MARCHF1: variants seen among roughly 807,000 people sequenced by gnomAD.
The protein encoded by MARCHF1 is membrane associated ring-CH-type finger 1, also known as E3 ubiquitin-protein ligase MARCHF1.
A neutral mutation model predicts 54.2 loss-of-function variants in MARCHF1; 40 were observed. The ratio of observed to expected loss-of-function variants is 0.74; its 90% confidence interval spans 0.57 to 0.96. The LOEUF is 0.96. Among genes scored for constraint, MARCHF1 ranks in the 40% least tolerant of loss-of-function variants. MARCHF1 has a pLI of 0.00. For missense variants in MARCHF1, 586 were observed against 656.5 expected (o/e 0.89, Z 1.17); for synonymous variants, 236 against 236.3 (o/e 1.00, Z 0.01).
rs1304370060 is a variant in MARCHF1, at chr4:164,038,615, CT to C, written c.-247-49907del. ...TATATCCCATGGGTGGTCCATGGTC[CT>C]TTTTTTCTTCCAAGATCAATAGAGC... On this transcript the variant is annotated intron_variant, in intron 2 of 9. Transcript: ENST00000514618. Among the ~76,000 whole-genome samples the C allele has an allele frequency of 2.0e-5, 3 of 152,156 alleles. No individual in the cohort carries two copies. The East Asian group carries it at 5.8e-4, about 29-fold the overall frequency.
At chr4:163,717,547 T>G (rs1482353746) in intron 4 of MARCHF1, among the ~76,000 whole-genome samples, 3 of 152,146 alleles carry the variant, frequency 2.0e-5, no homozygotes, top group Non-Finnish European at 4.4e-5. Context: ...GTATTTCTAC[T>G]TCTAGATCCT....
chr4:164,248,743 A>T lies in MARCHF1; in HGVS notation c.-323+135127T>A, dbSNP rs1210259064. ...AAAATTAGGAAAACAATTGTTAAAA[A>T]AATATATATATTACTGGCAACATCT... is the stretch of plus-strand genomic sequence containing the variant. On this transcript the variant is annotated intron_variant, in intron 1 of 9. Coordinates refer to ENST00000514618, the MANE Select transcript of MARCHF1 (RefSeq NM_001394959.1). 3.9e-5 allele frequency among the ~76,000 whole-genome samples: 6 copies of T among 152,122 alleles called. 1 individual carries two copies. The Middle Eastern group carries it at 0.014, about 345-fold the overall frequency.
At chr4:163,819,659 C>T (rs1485905382) in intron 4 of MARCHF1, among the ~76,000 whole-genome samples, 1 of 152,100 alleles carries the variant, frequency 6.6e-6, no homozygotes, top group South Asian at 2.1e-4. Context: ...GATGATCTTA[C>T]CTCTTACTTT....
At chr4:163,748,995 C>A (rs1359590964) in intron 4 of MARCHF1, among the ~76,000 whole-genome samples, 1 of 152,126 alleles carries the variant, frequency 6.6e-6, no homozygotes, top group Non-Finnish European at 1.5e-5. Context: ...ATATGATTGC[C>A]TTTTCTAACA....
At chr4:164,229,199 C>T (rs1304003478) in intron 1 of MARCHF1, among the ~76,000 whole-genome samples, 1 of 152,186 alleles carries the variant, frequency 6.6e-6, no homozygotes, top group Non-Finnish European at 1.5e-5. Flanking sequence ...GATTACCCTC[C>T]TTTTGCATGT....
intron 3 of MARCHF1, among the ~76,000 whole-genome samples, chr4:163,957,022 T>C (rs1157295021): frequency 2.0e-5 from 3 of 152,054 alleles, no homozygotes; most frequent in Non-Finnish European, 4.4e-5. Flanking sequence ...AGAGACTCTA[T>C]GTGACTTTTA....
At chr4:164,244,101 G>A (rs935560909) in intron 1 of MARCHF1, among the ~76,000 whole-genome samples, 16 of 152,040 alleles carry the variant, frequency 1.1e-4, no homozygotes, top group African/African-American at 3.4e-4. Context: ...TCTGCACCAA[G>A]CGGACCTGAT....
intron 1 of MARCHF1, among the ~76,000 whole-genome samples, chr4:164,325,683 C>T (rs183984055): frequency 8.0e-4 from 122 of 151,740 alleles, no homozygotes; most frequent in African/African-American, 2.2e-3. Flanking sequence ...GAGCCAAGAT[C>T]GCCACTGTAC....
intron 4 of MARCHF1, among the ~76,000 whole-genome samples, chr4:163,811,659 A>G (rs1748392051): frequency 6.6e-6 from 1 of 152,224 alleles, no homozygotes; most frequent in Admixed American, 6.5e-5. Flanking sequence ...CAGATAAAAT[A>G]AAGCTTACAC....
At chr4:163,722,961 G>T (rs185342609) in intron 4 of MARCHF1, among the ~76,000 whole-genome samples, 335 of 152,160 alleles carry the variant, frequency 2.2e-3, no homozygotes, top group African/African-American at 7.3e-3. Context: ...ACACTGATGG[G>T]TCTTGACTCT....
chr4:163,878,674 A>G (rs1750347107), intron 3 of MARCHF1, among the ~76,000 whole-genome samples: 2 of 151,976 alleles, frequency 1.3e-5, no homozygotes, highest in Admixed American at 6.6e-5. Context: ...ACCTAGTTGA[A>G]GGACTCTTTC....
At chr4:163,602,426 G>C (rs973732680) in intron 7 of MARCHF1, among the ~76,000 whole-genome samples, 1 of 152,026 alleles carries the variant, frequency 6.6e-6, no homozygotes, top group Non-Finnish European at 1.5e-5. Flanking sequence ...TAAATAGAGA[G>C]CCATTTTACC....
intron 4 of MARCHF1, among the ~76,000 whole-genome samples, chr4:163,724,234 T>A (rs1561041255): frequency 6.6e-6 from 1 of 152,234 alleles, no homozygotes; most frequent in Non-Finnish European, 1.5e-5. Flanking sequence ...GTTTTCCTTC[T>A]AATGGTCACG....
chr4:163,632,819 A>G (rs941394711), intron 5 of MARCHF1, among the ~76,000 whole-genome samples: 1 of 152,250 alleles, frequency 6.6e-6, no homozygotes, highest in African/African-American at 2.4e-5. Context: ...AAAAGACAGC[A>G]GTAACCTCTG....
rs147210812 is a variant in MARCHF1, at chr4:164,231,093, G to A, written c.-322-119431C>T. 6.3e-3 allele frequency among the ~76,000 whole-genome samples: 960 copies of A among 152,198 alleles called. 5 individuals carry two copies. The highest frequency in any genetic ancestry group is 0.013 in the Admixed American group (192 of 15,276). The stretch of plus-strand genomic sequence containing the variant: ...AGGTCCAGGACTTAAAGTGAGGAGC[G>A]AAAAGAACTGATGTATTTTCTTCAG... On this transcript the variant is annotated intron_variant, in intron 1 of 9. Transcript: ENST00000514618.
intron 2 of MARCHF1, among the ~76,000 whole-genome samples, chr4:164,100,500 G>A (rs1422420963): frequency 6.6e-6 from 1 of 152,186 alleles, no homozygotes; most frequent in Non-Finnish European, 1.5e-5. Context: ...AGAATTGCCA[G>A]CAATACAGGC....
At chr4:164,021,878 T>C (rs973102337) in intron 2 of MARCHF1, among the ~76,000 whole-genome samples, 2 of 151,112 alleles carry the variant, frequency 1.3e-5, no homozygotes, top group Admixed American at 1.3e-4. Context: ...TATATATATA[T>C]ATATATGGTC....
At chr4:164,363,777 G>GTGTGTGTGTGTGTGTGTC (rs879385972) in intron 1 of MARCHF1, among the ~76,000 whole-genome samples, 1 of 151,960 alleles carries the variant, frequency 6.6e-6, no homozygotes. Flanking sequence ...GTGTGTGTGT[G>GTGTGTGTGTGTGTGTGTC]TGTGTGTCTG....
At chr4:163,805,444 A>G (rs1365539060) in intron 4 of MARCHF1, among the ~76,000 whole-genome samples, 1 of 152,180 alleles carries the variant, frequency 6.6e-6, no homozygotes, top group African/African-American at 2.4e-5. Flanking sequence ...TGAATGCAAA[A>G]AACTTTAAAC....
Sources: allele counts gnomAD v4.1 joint callset (sites outside exome capture counted in the v4.1 genomes callset), GRCh38; gene constraint gnomAD v4.1.1; transcripts MANE v1.5; gene names NCBI Gene and HGNC (gene_info 2026-07-23, HGNC 2026-07-21).